The following CDH13 variants were observed in gnomAD, a reference collection of about 807,000 sequenced individuals.
The protein encoded by CDH13 is cadherin 13, also known as cadherin-13.
A neutral mutation model predicts 63.8 loss-of-function variants in CDH13; 24 were observed. That is an observed-to-expected ratio of 0.38 (90% CI 0.27 to 0.53). The LOEUF (loss-of-function observed/expected upper bound fraction) is 0.53, where lower values mean the gene tolerates loss of function less well. CDH13 is among the 20% of genes least tolerant of loss of function. The pLI, the probability that CDH13 is intolerant of heterozygous loss-of-function variation, is 0.85. For missense variants in CDH13, 1,049 were observed against 903.1 expected, an observed-to-expected ratio of 1.16 and a Z score of -2.07; for synonymous variants, 503 against 355.3, an observed-to-expected ratio of 1.42 and a Z score of -4.67.
intron 8 of CDH13, among the ~76,000 whole-genome samples, chr16:83,630,732 G>A (rs894712649): frequency 6.6e-6 from 1 of 152,180 alleles, no homozygotes; most frequent in African/African-American, 2.4e-5. Flanking sequence ...ATCAGTTTAC[G>A]TTGCCCAGGT....
At chr16:82,915,361 G>A (rs563687528) in intron 2 of CDH13, among the ~76,000 whole-genome samples, 2 of 152,144 alleles carry the variant, frequency 1.3e-5, no homozygotes, top group Admixed American at 6.5e-5. Flanking sequence ...TTCTATTTTT[G>A]AACTTGACTC....
chr16:82,937,547 C>G (rs1220768562), intron 2 of CDH13, among the ~76,000 whole-genome samples: 2 of 152,098 alleles, frequency 1.3e-5, no homozygotes, highest in East Asian at 3.9e-4. Flanking sequence ...AATGCCATAC[C>G]TAGCACATAG....
At chr16:83,613,919 CA>C (rs1325810502) in intron 8 of CDH13, among the ~76,000 whole-genome samples, 1 of 151,992 alleles carries the variant, frequency 6.6e-6, no homozygotes, top group Admixed American at 6.6e-5. Context: ...ATAAAATTAT[CA>C]GCTGAAATTC....
At chr16:83,524,760 T>C (rs2074921035) in intron 7 of CDH13, among the ~76,000 whole-genome samples, 1 of 152,148 alleles carries the variant, frequency 6.6e-6, no homozygotes, top group East Asian at 1.9e-4. Context: ...CCAAATTGCA[T>C]GTCTTAACAC....
chr16:82,689,284 C>T (rs1915399143), intron 1 of CDH13, among the ~76,000 whole-genome samples: 1 of 151,900 alleles, frequency 6.6e-6, no homozygotes, highest in African/African-American at 2.4e-5. Flanking sequence ...GTGGGAATGG[C>T]TTTCTCAGCA....
intron 1 of CDH13, among the ~76,000 whole-genome samples, chr16:82,722,336 C>G (rs2032825226): frequency 6.6e-6 from 1 of 152,146 alleles, no homozygotes; most frequent in Non-Finnish European, 1.5e-5. Flanking sequence ...TGACTTCACT[C>G]TCAGGCAGGG....
At chr16:83,636,773 C>G (rs1472087698) in intron 8 of CDH13, among the ~76,000 whole-genome samples, 1 of 152,154 alleles carries the variant, frequency 6.6e-6, no homozygotes, top group East Asian at 1.9e-4. Context: ...TGAGTATCTA[C>G]TCAGTGATGG....
chr16:83,381,272 T>C (rs1250432548), intron 6 of CDH13, among the ~76,000 whole-genome samples: 1 of 152,088 alleles, frequency 6.6e-6, no homozygotes, highest in East Asian at 1.9e-4. Flanking sequence ...CCTCCACCAG[T>C]TCCTAACTGC....
At chr16:83,021,693 C>T (rs1017757608) in intron 2 of CDH13, among the ~76,000 whole-genome samples, 4 of 152,184 alleles carry the variant, frequency 2.6e-5, no homozygotes, top group African/African-American at 9.7e-5. Flanking sequence ...GGAATTAAGA[C>T]TGTTTTATGT....
intron 8 of CDH13, among the ~76,000 whole-genome samples, chr16:83,647,208 G>T (rs992071698): frequency 2.0e-5 from 3 of 151,770 alleles, no homozygotes; most frequent in Admixed American, 6.6e-5. Flanking sequence ...TACTCGGGAG[G>T]CTGAGGCAGG....
At chr16:82,722,904 T>C (rs1366542167) in intron 1 of CDH13, 1 of 152,236 alleles carries the variant, frequency 6.6e-6, no homozygotes, top group East Asian at 1.9e-4. Context: ...TTTACTCAAA[T>C]GGCACCTGGG....
intron 10 of CDH13, among the ~76,000 whole-genome samples, chr16:83,734,954 CT>C (rs1211774014): frequency 6.8e-6 from 1 of 147,958 alleles, no homozygotes; most frequent in Non-Finnish European, 1.5e-5. Context: ...ACAATTGTAA[CT>C]TTCTCAAGTT....
At chr16:82,872,654 AT>A (rs1298464358) in intron 2 of CDH13, among the ~76,000 whole-genome samples, 4 of 152,144 alleles carry the variant, frequency 2.6e-5, no homozygotes, top group Non-Finnish European at 4.4e-5. Flanking sequence ...GTTGATGGAA[AT>A]TTTTTTGGCT....
At chr16:82,967,242 C>G (rs1378963115) in intron 2 of CDH13, among the ~76,000 whole-genome samples, 2 of 152,142 alleles carry the variant, frequency 1.3e-5, no homozygotes, top group Non-Finnish European at 2.9e-5. Flanking sequence ...CCATCACATC[C>G]TCACAAACTC....
intron 6 of CDH13, among the ~76,000 whole-genome samples, chr16:83,485,127 A>T (rs2073856996): frequency 6.6e-6 from 1 of 152,246 alleles, no homozygotes. Context: ...TCTCAGTGTG[A>T]GAATACTATC....
chr16:83,311,091 G>T (rs1162731334), intron 5 of CDH13, among the ~76,000 whole-genome samples: 3 of 152,162 alleles, frequency 2.0e-5, no homozygotes, highest in African/African-American at 7.2e-5. Context: ...CTGCTCCTCT[G>T]ACGTCTCGGT....
At chr16:83,469,008 G>A (rs577663981) in intron 6 of CDH13, among the ~76,000 whole-genome samples, 1 of 152,312 alleles carries the variant, frequency 6.6e-6, no homozygotes, top group East Asian at 1.9e-4. Context: ...AGGAACAGGT[G>A]CACAGGACTC....
chr16:83,646,987 C>T (rs911920038), intron 8 of CDH13, among the ~76,000 whole-genome samples: 1 of 152,044 alleles, frequency 6.6e-6, no homozygotes, highest in Non-Finnish European at 1.5e-5. Context: ...CCTGGGACTG[C>T]AGGCTTTCTC....
At chr16:82,981,386 C>T (rs537546302) in intron 2 of CDH13, among the ~76,000 whole-genome samples, 1 of 152,168 alleles carries the variant, frequency 6.6e-6, no homozygotes, top group South Asian at 2.1e-4. Flanking sequence ...TCTTGAAGCC[C>T]TCTCCTTGAC....
Sources: allele counts gnomAD v4.1 joint callset (sites outside exome capture counted in the v4.1 genomes callset), GRCh38; gene constraint gnomAD v4.1.1; transcripts MANE v1.5; gene names NCBI Gene and HGNC (gene_info 2026-07-23, HGNC 2026-07-21).